The following LARGE1 variants were observed in gnomAD, a reference collection of about 807,000 sequenced individuals.
LARGE1 encodes LARGE xylosyl- and glucuronyltransferase 1, also known as xylosyl- and glucuronyltransferase LARGE1.
Under a neutral mutation model 87.6 loss-of-function variants are expected in LARGE1, and 43 were observed. That is an observed-to-expected ratio of 0.49 (90% CI 0.38 to 0.63). The LOEUF (loss-of-function observed/expected upper bound fraction) is 0.63, where lower values mean the gene tolerates loss of function less well. Ranked by LOEUF, LARGE1 falls within the 30% of genes least tolerant of loss-of-function variation. LARGE1 has a pLI of 0.00. For synonymous variants in LARGE1, 434 were observed against 394.6 expected, an observed-to-expected ratio of 1.10 and a Z score of -1.18; for missense variants, 802 against 1,000.2, an observed-to-expected ratio of 0.80 and a Z score of 2.67.
intron 10 of LARGE1, among the ~76,000 whole-genome samples, chr22:33,321,377 A>T (rs765895232): frequency 2.0e-5 from 3 of 152,178 alleles, no homozygotes; most frequent in Non-Finnish European, 2.9e-5. Context: ...TATTAGAGGG[A>T]GTCCCCCTGG....
At chr22:33,820,251 T>A (rs1179890419) in intron 1 of LARGE1, among the ~76,000 whole-genome samples, 17 of 152,116 alleles carry the variant, frequency 1.1e-4, no homozygotes, top group Non-Finnish European at 1.5e-5. Context: ...GGCCTGACAA[T>A]AGATGTTTTT....
chr22:33,540,283 C>T (rs551902084), intron 6 of LARGE1, among the ~76,000 whole-genome samples: 8 of 152,292 alleles, frequency 5.3e-5, no homozygotes, highest in African/African-American at 1.9e-4. Flanking sequence ...GCCAAGAGGC[C>T]GGGCCTTGCC....
Position 33,193,606 on chromosome 22 carries a change from C to T in LARGE1, c.1731-26774G>A, listed in dbSNP as rs147121245. ...CATGAGGTGGGCAGATCACTTGAGGCCAGAAGTTCAAGACCAGCCTGGGCA... is the reference window on the plus strand; with the variant it reads ...CATGAGGTGGGCAGATCACTTGAGGTCAGAAGTTCAAGACCAGCCTGGGCA... On this transcript the variant is annotated intron_variant, in intron 11 of 11. Transcript: ENST00000608642. Among the ~76,000 whole-genome samples, 407 of 152,004 alleles carry T rather than the reference C, an allele frequency of 2.7e-3. 4 individuals carry two copies. The highest frequency in any genetic ancestry group is 9.4e-3 in the African/African-American group (390 of 41,500).
At chr22:33,630,060 G>A (rs1286934957) in intron 3 of LARGE1, among the ~76,000 whole-genome samples, 3 of 152,172 alleles carry the variant, frequency 2.0e-5, no homozygotes, top group South Asian at 2.1e-4. Flanking sequence ...TTAGCCAGGT[G>A]TGGTGGCGTG....
At chr22:33,739,688 G>C (rs1463004206) in intron 2 of LARGE1, among the ~76,000 whole-genome samples, 3 of 152,216 alleles carry the variant, frequency 2.0e-5, no homozygotes, top group Non-Finnish European at 4.4e-5. Flanking sequence ...GCAGCTGACA[G>C]TGCCTGAGCT....
chr22:33,518,545 G>A (rs1054322520), intron 6 of LARGE1, among the ~76,000 whole-genome samples: 2 of 152,312 alleles, frequency 1.3e-5, no homozygotes, highest in African/African-American at 4.8e-5. Flanking sequence ...CTGACCTCAG[G>A]TGTTGCGCTG....
chr22:33,829,229 G>A (rs745621652), intron 1 of LARGE1, among the ~76,000 whole-genome samples: 14 of 151,752 alleles, frequency 9.2e-5, no homozygotes, highest in African/African-American at 2.9e-4. Context: ...GGCTGGTCTC[G>A]AACTCCTGAC....
At chr22:33,566,764 A>G (rs2078040086) in intron 5 of LARGE1, among the ~76,000 whole-genome samples, 1 of 152,192 alleles carries the variant, frequency 6.6e-6, no homozygotes, top group African/African-American at 2.4e-5. Flanking sequence ...TGATTGGTCC[A>G]TTTTATAAAG....
At chr22:33,305,509 C>T (rs1306942710) in intron 11 of LARGE1, 1 of 826,762 alleles carries the variant, frequency 1.2e-6, no homozygotes, top group Non-Finnish European at 1.5e-6. Flanking sequence ...CAGCAAAAGC[C>T]TACTTGAATT....
intron 12 of LARGE1, among the ~76,000 whole-genome samples, chr22:33,293,424 TATC>T (rs1299585757): frequency 2.6e-5 from 4 of 152,206 alleles, no homozygotes; most frequent in Non-Finnish European, 4.4e-5. Context: ...AGCTAGTAGT[TATC>T]ATCATCATCA....
At chr22:33,597,631 A>T (rs1046812766) in intron 5 of LARGE1, among the ~76,000 whole-genome samples, 2 of 152,174 alleles carry the variant, frequency 1.3e-5, no homozygotes, top group African/African-American at 4.8e-5. Flanking sequence ...TCACTTCATC[A>T]TCTTTCTGAT....
the LARGE1 span, among the ~76,000 whole-genome samples, chr22:33,083,596 GA>G: frequency 1.3e-5 from 2 of 152,158 alleles, no homozygotes; most frequent in Non-Finnish European, 2.9e-5. Context: ...TCTGAACCAT[GA>G]AAAAATATAT....
At chr22:33,787,589 C>T (rs183419593) in intron 1 of LARGE1, among the ~76,000 whole-genome samples, 1 of 152,210 alleles carries the variant, frequency 6.6e-6, no homozygotes, top group Admixed American at 6.5e-5. Flanking sequence ...CTGCATGAAG[C>T]CGTTCCCAAC....
At chr22:33,921,304 C>G (rs2065944839), upstream of LARGE1, among the ~76,000 whole-genome samples, 1 of 152,204 alleles carries the variant, frequency 6.6e-6, no homozygotes, top group Non-Finnish European at 1.5e-5. This position sits in a 1 kb window ranked among gnomAD's most constrained non-coding sequence, Gnocchi z 4.1. Flanking sequence ...AAGCTGGGAG[C>G]TCCCCGCCCT....
chr22:33,377,371 T>A (rs1243749634), intron 9 of LARGE1, among the ~76,000 whole-genome samples: 1 of 152,228 alleles, frequency 6.6e-6, no homozygotes. Flanking sequence ...TGGCCAAAGA[T>A]AATTATCTCC....
chr22:33,086,005 A>G, the LARGE1 span, among the ~76,000 whole-genome samples: 1 of 152,246 alleles, frequency 6.6e-6, no homozygotes, highest in Non-Finnish European at 1.5e-5. Context: ...CAATAGATCC[A>G]TAACTGGCAG....
chr22:33,247,914 TTC>T (rs1312224929), intron 11 of LARGE1, among the ~76,000 whole-genome samples: 3 of 152,210 alleles, frequency 2.0e-5, no homozygotes, highest in African/African-American at 7.2e-5. Context: ...CTGACTAGGT[TTC>T]TCTTTCTTCT....
chr22:33,109,025 C>T, the LARGE1 span: 1 of 152,098 alleles, frequency 6.6e-6, no homozygotes, highest in Non-Finnish European at 1.5e-5. Context: ...TAAAATTCTA[C>T]CTGTGAAATG....
chr22:33,470,679 C>T (rs2068793412), intron 6 of LARGE1, among the ~76,000 whole-genome samples: 1 of 152,192 alleles, frequency 6.6e-6, no homozygotes, highest in Admixed American at 6.5e-5. Context: ...TTGTGAGTTC[C>T]ACTTCCTCTA....
Sources: gnomAD v4.1 joint callset for allele counts (sites outside exome capture counted in the v4.1 genomes callset) on GRCh38, gnomAD v4.1.1 for gene constraint, Gnocchi (gnomAD v3.1) non-coding constraint, MANE v1.5 for transcripts, NCBI Gene and HGNC (gene_info 2026-07-23, HGNC 2026-07-21) for gene names.